The following JAM3 variants were observed in gnomAD, a reference collection of about 807,000 sequenced individuals.
JAM3 encodes the protein junctional adhesion molecule 3.
Under a neutral mutation model 39.4 loss-of-function variants are expected in JAM3, and 31 were observed. The observed-to-expected ratio is 0.79, with a 90% confidence interval of 0.59 to 1.06. JAM3 has a LOEUF of 1.06. JAM3 is among the 50% of genes least tolerant of loss of function. The probability of loss-of-function intolerance (pLI) is 0.00; values close to 1 mark genes in which losing one functional copy is unlikely to be tolerated. For synonymous variants in JAM3, 182 were observed against 148.7 expected (o/e 1.22, Z -1.63); for missense variants, 455 against 391.4 (o/e 1.16, Z -1.37).
chr11:134,088,856 C>G (rs373477278), intron 1 of JAM3, among the ~76,000 whole-genome samples: 4 of 152,224 alleles, frequency 2.6e-5, no homozygotes, highest in African/African-American at 9.6e-5. Context: ...GTGGAGCAAT[C>G]TCAGCTCACT....
intron 1 of JAM3, among the ~76,000 whole-genome samples, chr11:134,130,060 A>G (rs979903863): frequency 1.3e-5 from 2 of 152,138 alleles, no homozygotes; most frequent in African/African-American, 4.8e-5. Context: ...TAGCTTTGTC[A>G]TGTAACAGAG....
chr11:134,101,805 G>A (rs1942078653), intron 1 of JAM3, among the ~76,000 whole-genome samples: 1 of 152,112 alleles, frequency 6.6e-6, no homozygotes, highest in African/African-American at 2.4e-5. Context: ...ATAAGCTCAT[G>A]CCTGTAATCC....
At chr11:134,136,781 T>C (rs1942872038) in intron 1 of JAM3, among the ~76,000 whole-genome samples, 1 of 152,176 alleles carries the variant, frequency 6.6e-6, no homozygotes, top group South Asian at 2.1e-4. Flanking sequence ...TTACCTAGGA[T>C]AGTTGAACAA....
intron 1 of JAM3, among the ~76,000 whole-genome samples, chr11:134,083,748 T>C (rs902213151): frequency 1.3e-5 from 2 of 152,182 alleles, no homozygotes; most frequent in Admixed American, 6.5e-5. Context: ...TAAGCCTCCA[T>C]GATGGGTCCT....
chr11:134,096,839 T>A (rs1182871082), intron 1 of JAM3, among the ~76,000 whole-genome samples: 2 of 152,192 alleles, frequency 1.3e-5, no homozygotes, highest in Non-Finnish European at 2.9e-5. Flanking sequence ...CTGTACCAGT[T>A]AATAAAGGAC....
At chr11:134,124,279 G>GAA in intron 1 of JAM3, 1 of 938,714 alleles carries the variant, frequency 1.1e-6, no homozygotes, top group Non-Finnish European at 1.8e-6. Flanking sequence ...TGAGTTACAA[G>GAA]AAAACGCATG....
chr11:134,069,250 G>A (rs573716636), intron 1 of JAM3, 91 bp downstream of exon 1: 1,327 of 1,515,422 alleles, frequency 8.8e-4, no homozygotes, highest in Non-Finnish European at 1.1e-3. Flanking sequence ...GTCCGGGCGA[G>A]GATAGCGGTC....
chr11:134,093,607 C>G (rs906061231), intron 1 of JAM3, among the ~76,000 whole-genome samples: 4 of 123,460 alleles, frequency 3.2e-5, no homozygotes, highest in Non-Finnish European at 5.0e-5. Flanking sequence ...TCATCATGTT[C>G]CACCTTACAT....
At chr11:134,137,524 A>C (rs550688845) in intron 1 of JAM3, among the ~76,000 whole-genome samples, 1 of 152,360 alleles carries the variant, frequency 6.6e-6, no homozygotes, top group South Asian at 2.1e-4. Flanking sequence ...CTCACCTCTC[A>C]GGTCCTTGAT....
chr11:134,132,546 G>A (rs1409427702), intron 1 of JAM3, among the ~76,000 whole-genome samples: 2 of 152,224 alleles, frequency 1.3e-5, no homozygotes, highest in African/African-American at 2.4e-5. Flanking sequence ...GTTTATAATT[G>A]TGATTTTTGA....
intron 1 of JAM3, among the ~76,000 whole-genome samples, chr11:134,112,441 G>A (rs917790746): frequency 4.6e-5 from 7 of 152,064 alleles, no homozygotes; most frequent in African/African-American, 1.2e-4. Flanking sequence ...GGAAGTGCAG[G>A]TTTCAAGTCA....
chr11:134,118,904 G>A (rs1942485440), intron 1 of JAM3, among the ~76,000 whole-genome samples: 3 of 151,886 alleles, frequency 2.0e-5, no homozygotes. Flanking sequence ...ATTTAAGGTG[G>A]CTGCTAGGTG....
At chr11:134,080,476 G>A (rs568334218) in intron 1 of JAM3, among the ~76,000 whole-genome samples, 10 of 152,298 alleles carry the variant, frequency 6.6e-5, no homozygotes, top group African/African-American at 2.4e-4. Flanking sequence ...GAATCATGGG[G>A]TGGGTCTTTC....
intron 1 of JAM3, among the ~76,000 whole-genome samples, chr11:134,081,375 G>A (rs369428184): frequency 6.6e-6 from 1 of 152,116 alleles, no homozygotes; most frequent in African/African-American, 2.4e-5. Context: ...GGAGGCCTAG[G>A]AGGAAAAAGT....
At chr11:134,069,503 A>ATCCCCCGGGTGGGCTCC (rs1941452704) in intron 1 of JAM3, among the ~76,000 whole-genome samples, 1 of 149,936 alleles carries the variant, frequency 6.7e-6, no homozygotes, top group Admixed American at 6.6e-5. Context: ...CGGTGGGCTC[A>ATCCCCCGGGTGGGCTCC]TCCCCCGGGT....
At chr11:134,098,216 A>G (rs1035243963) in intron 1 of JAM3, among the ~76,000 whole-genome samples, 6 of 152,190 alleles carry the variant, frequency 3.9e-5, no homozygotes, top group African/African-American at 1.4e-4. Context: ...TAGCTCACCT[A>G]TATCCAGAAA....
At chr11:134,148,844 C>A in intron 8 of JAM3, 26 bp downstream of exon 8, 2 of 1,610,754 alleles carry the variant, frequency 1.2e-6, no homozygotes, top group Non-Finnish European at 1.7e-6. Context: ...ACCTGGAAAC[C>A]TAGGTGTACC....
In JAM3 at chr11:134,146,260, T is replaced by A. The variant is rs184817716; in HGVS notation, c.712+215T>A. On this transcript the variant is annotated intron_variant, in intron 6 of 8. Coordinates refer to ENST00000299106, the MANE Select transcript of JAM3 (RefSeq NM_032801.5). ...GTCCTCAAAACAAAACCTTCTGGGA[T>A]CTGCTGGTGTTGGGAACGTGGCCAG... 5.3e-4 allele frequency among the ~76,000 whole-genome samples: 80 copies of A among 152,286 alleles called. 1 individual carries two copies. Among genetic ancestry groups the A allele is most frequent in the Non-Finnish European group, 5.7e-4 (39 of 68,030 alleles).
rs558928742 is a variant in JAM3 at position 134,145,133 on chromosome 11, C to T, written c.612+139C>T. 54 of 754,396 alleles carry T rather than the reference C, an allele frequency of 7.2e-5. No homozygotes were observed. In the African/African-American group the frequency reaches 8.9e-4, roughly 12 times the overall value. The allele number at this position is 754,396 out of a possible 1,614,324, so 46.7% of individuals were successfully genotyped here. A position where few individuals can be genotyped will look rare whatever the true frequency, so the allele number is the denominator to read the frequency against. ...AAAATCTAGAATGTTAGGGATTCTA[C>T]AGGAAAAATGACCCTTCTTCCTTTT... On this transcript the variant is annotated intron_variant, in intron 5 of 8. Coordinates refer to ENST00000299106, the MANE Select transcript of JAM3 (RefSeq NM_032801.5).
Sources: gnomAD v4.1 joint callset for allele counts (sites outside exome capture counted in the v4.1 genomes callset) on GRCh38, gnomAD v4.1.1 for gene constraint, MANE v1.5 for transcripts, NCBI Gene and HGNC (gene_info 2026-07-23, HGNC 2026-07-21) for gene names.